Variants in KCNH7 observed in about 807,000 individuals in gnomAD.
The protein encoded by KCNH7 is potassium voltage-gated channel subfamily H member 7.
In KCNH7, 49 loss-of-function variants were observed where a neutral mutation model predicts 120.8. That is an observed-to-expected ratio of 0.41 (90% CI 0.32 to 0.51). The LOEUF (loss-of-function observed/expected upper bound fraction) is 0.51, where lower values mean the gene tolerates loss of function less well. Ranked by LOEUF, KCNH7 falls within the 20% of genes least tolerant of loss-of-function variation. The probability of loss-of-function intolerance (pLI) is 0.38; values close to 1 mark genes in which losing one functional copy is unlikely to be tolerated. For synonymous variants in KCNH7, 547 were observed against 516.1 expected, an observed-to-expected ratio of 1.06 and a Z score of -0.81; for missense variants, 1,097 against 1,446.6, an observed-to-expected ratio of 0.76 and a Z score of 3.92.
chr2:162,446,533 G>A, intron 6 of KCNH7, 90 bp from the exon 7 acceptor site: 1 of 915,846 alleles, frequency 1.1e-6, no homozygotes, highest in South Asian at 1.9e-5. Flanking sequence ...TAATTATACA[G>A]TAAAATTTAT....
intron 10 of KCNH7, 38 bp downstream of exon 10, chr2:162,400,151 T>C: frequency 6.2e-7 from 1 of 1,603,516 alleles, no homozygotes; most frequent in Non-Finnish European, 8.5e-7. Context: ...TACAAGCTAA[T>C]AACTGAATCT....
chr2:162,494,577 A>G (rs987857390), intron 6 of KCNH7, among the ~76,000 whole-genome samples: 1 of 152,166 alleles, frequency 6.6e-6, no homozygotes, highest in Non-Finnish European at 1.5e-5. Flanking sequence ...CATGCTATCA[A>G]TCATAATAAA....
chr2:162,667,802 T>C (rs1685196161), intron 2 of KCNH7, among the ~76,000 whole-genome samples: 1 of 152,210 alleles, frequency 6.6e-6, no homozygotes, highest in East Asian at 1.9e-4. Flanking sequence ...TTTTATGTAC[T>C]TGTTTTGTGT....
rs1180841319 is a variant in KCNH7 at position 162,838,555 on chromosome 2, C to T, written c.-37G>A. 1.3e-6 allele frequency: 2 copies of T among 1,543,486 alleles called. No homozygotes were observed. Among genetic ancestry groups the T allele is most frequent in the East Asian group, 2.2e-5 (1 of 44,476 alleles). On this transcript the variant is annotated 5_prime_UTR_variant, in exon 1 of 16. Coordinates refer to ENST00000332142, the MANE Select transcript of KCNH7 (RefSeq NM_033272.4). The stretch of plus-strand genomic sequence containing the variant: ...TCTTCCGAGGAGCGCTCCCCCGGAG[C>T]TCTGGAGTTCTCCCGGGATCTCTCC...
intron 2 of KCNH7, among the ~76,000 whole-genome samples, chr2:162,681,620 C>CA (rs547619342): frequency 2.0e-5 from 3 of 150,992 alleles, no homozygotes; most frequent in Non-Finnish European, 4.4e-5. Context: ...GAATTTGGAC[C>CA]AAAAAAAATC....
At chr2:162,526,131 C>T (rs536090754) in intron 3 of KCNH7, among the ~76,000 whole-genome samples, 1 of 151,892 alleles carries the variant, frequency 6.6e-6, no homozygotes, top group South Asian at 2.1e-4. Context: ...GTGATGCCCC[C>T]TGAGCTGTAA....
intron 6 of KCNH7, among the ~76,000 whole-genome samples, chr2:162,452,867 A>G (rs967874737): frequency 6.6e-6 from 1 of 151,986 alleles, no homozygotes; most frequent in African/African-American, 2.4e-5. Context: ...TGCATTACAT[A>G]TTTCTTTTAA....
intron 13 of KCNH7, among the ~76,000 whole-genome samples, chr2:162,382,078 G>A (rs1036050710): frequency 3.9e-5 from 6 of 152,108 alleles, no homozygotes; most frequent in Middle Eastern, 3.4e-3. Flanking sequence ...CACATTTTGT[G>A]CCAAGAAAGC....
rs1271246065 is a variant in KCNH7, at chr2:162,371,467, T to C, written c.*362A>G. 1.6e-6 allele frequency: 2 copies of C among 1,263,346 alleles called. No individual in the cohort carries two copies. Among genetic ancestry groups the C allele is most frequent in the African/African-American group, 3.1e-5 (2 of 64,918 alleles). 78.3% of individuals were successfully genotyped at this position (1,263,346 alleles called of 1,614,324 possible). A position where few individuals can be genotyped will look rare whatever the true frequency, so the allele number is the denominator to read the frequency against. On this transcript the variant is annotated 3_prime_UTR_variant, in exon 16 of 16. Coordinates refer to ENST00000332142, the MANE Select transcript of KCNH7 (RefSeq NM_033272.4). The stretch of plus-strand genomic sequence containing the variant: ...ATGAACAGTTTTATCCCTTGGTTTC[T>C]TATTTGCGTGGAAGGCATTTTCATA...
At chr2:162,471,502 A>T (rs1248363312) in intron 6 of KCNH7, among the ~76,000 whole-genome samples, 1 of 152,208 alleles carries the variant, frequency 6.6e-6, no homozygotes, top group Non-Finnish European at 1.5e-5. Context: ...TGTGTGGAGC[A>T]GATTCTGTGG....
chr2:162,608,790 C>A (rs922203856), intron 2 of KCNH7, among the ~76,000 whole-genome samples: 1 of 152,160 alleles, frequency 6.6e-6, no homozygotes, highest in African/African-American at 2.4e-5. Context: ...CTGTCTACCT[C>A]ATACACCTGG....
chr2:162,417,301 A>G (rs949355277), intron 9 of KCNH7, among the ~76,000 whole-genome samples: 1 of 152,186 alleles, frequency 6.6e-6, no homozygotes, highest in African/African-American at 2.4e-5. Flanking sequence ...TTATAACTGA[A>G]CTTTGATGAT....
chr2:162,514,895 G>T (rs1691227633), intron 4 of KCNH7, among the ~76,000 whole-genome samples: 1 of 151,690 alleles, frequency 6.6e-6, no homozygotes, highest in African/African-American at 2.4e-5. Context: ...CTGTACAGGA[G>T]AACATTTTTA....
intron 11 of KCNH7, 84 bp downstream of exon 11, chr2:162,396,652 TTTGC>T (rs1265507210): frequency 6.6e-6 from 6 of 910,732 alleles, no homozygotes; most frequent in Non-Finnish European, 1.0e-5. Flanking sequence ...GCTGCAATAT[TTTGC>T]TTGATTTTTC....
chr2:162,593,955 A>G (rs1323354199), intron 2 of KCNH7, among the ~76,000 whole-genome samples: 1 of 152,018 alleles, frequency 6.6e-6, no homozygotes, highest in African/African-American at 2.4e-5. Context: ...CTTGCAGTTG[A>G]CTGGCTAATC....
chr2:162,565,325 A>T (rs142081362), intron 2 of KCNH7, among the ~76,000 whole-genome samples: 1 of 152,068 alleles, frequency 6.6e-6, no homozygotes, highest in Non-Finnish European at 1.5e-5. Flanking sequence ...AGGAAAAAAA[A>T]CGTAACTAGT....
At position 162,396,744 on chromosome 2, in the gene KCNH7, G is replaced by A. The variant is rs1326941032; in HGVS notation, c.2609C>T (p.Ala870Val). 6.2e-7 allele frequency: 1 copy of A among 1,605,758 alleles called. No homozygotes were observed. The highest frequency in any genetic ancestry group is 1.1e-5 in the South Asian group (1 of 90,838). ...AAGCAAACAGTTAACATATACCTTT[G>A]CGCTCTCATGCCTTAGGTTGAAAGT... Reference protein sequence around the residue: ...ELTFNLRHESAKADLLRSQSM... With the variant: ...ELTFNLRHESVKADLLRSQSM... The change falls in exon 11 of 16, where the codon GCA becomes GTA. Residue 870 changes from alanine (A) to valine (V), a missense_variant. Around this residue, in one of 8 missense-constraint regions of KCNH7, gnomAD observed 406 missense variants for 410.5 expected, o/e 0.99. Coordinates refer to ENST00000332142, the MANE Select transcript of KCNH7 (RefSeq NM_033272.4).
intron 2 of KCNH7, among the ~76,000 whole-genome samples, chr2:162,564,731 A>C (rs1241113701): frequency 6.6e-6 from 1 of 152,154 alleles, no homozygotes; most frequent in Non-Finnish European, 1.5e-5. Flanking sequence ...ATATTTTTGC[A>C]TCTGTAAAAT....
At chr2:162,675,740 C>A (rs1380406193) in intron 2 of KCNH7, among the ~76,000 whole-genome samples, 1 of 151,442 alleles carries the variant, frequency 6.6e-6, no homozygotes, top group East Asian at 1.9e-4. Context: ...CACAGAAGTA[C>A]ATCAGGTAGG....
Sources: gnomAD v4.1 joint callset for allele counts (sites outside exome capture counted in the v4.1 genomes callset) on GRCh38, gnomAD v4.1.1 for gene constraint, gnomAD v4.1.1 regional missense constraint, MANE v1.5 for transcripts, NCBI Gene and HGNC (gene_info 2026-07-23, HGNC 2026-07-21) for gene names.